Variants in COL6A3 observed in about 807,000 individuals in gnomAD.
COL6A3 encodes the protein collagen type VI alpha 3 chain.
A neutral mutation model predicts 274.1 loss-of-function variants in COL6A3; 137 were observed. That is an observed-to-expected ratio of 0.50 (90% CI 0.44 to 0.58). COL6A3 has a LOEUF of 0.58. COL6A3 is among the 20% of genes least tolerant of loss of function. The pLI is 0.00. For synonymous variants in COL6A3, 1,650 were observed against 1,650.6 expected, an observed-to-expected ratio of 1.00 and a Z score of 0.01; for missense variants, 3,950 against 4,124.9, an observed-to-expected ratio of 0.96 and a Z score of 1.16.
At chr2:237,376,698 G>C (rs1002883825) in intron 7 of COL6A3, 74 bp downstream of exon 7, 1 of 1,467,754 alleles carries the variant, frequency 6.8e-7, no homozygotes. Context: ...CTAAGGACCA[G>C]TGGCCAGCAG....
intron 1 of COL6A3, among the ~76,000 whole-genome samples, chr2:237,410,114 A>G (rs2078818186): frequency 6.6e-6 from 1 of 152,034 alleles, no homozygotes; most frequent in Non-Finnish European, 1.5e-5. Context: ...AACTGCCCGC[A>G]AGCTCTGCTG....
chr2:237,353,205 C>A, intron 25 of COL6A3, 136 bp downstream of exon 25: 1 of 826,024 alleles, frequency 1.2e-6, no homozygotes. Context: ...GATTGCACAG[C>A]ATTGTGGAAG....
chr2:237,356,008 G>C (rs1291347361), intron 23 of COL6A3, among the ~76,000 whole-genome samples: 1 of 152,172 alleles, frequency 6.6e-6, no homozygotes, highest in East Asian at 1.9e-4. Flanking sequence ...CCAGTGGGAG[G>C]GACACATTTC....
Position 237,345,256 on chromosome 2 carries a change from G to A in COL6A3, c.7093-43C>T, listed in dbSNP as rs762116613. ...GAAAGGTGAGAGGCACAGCAGATGGGGAATTCGAATAAACAGGCTTTGGCC... is the reference window on the plus strand; with the variant it reads ...GAAAGGTGAGAGGCACAGCAGATGGAGAATTCGAATAAACAGGCTTTGGCC... On this transcript the variant is annotated intron_variant, in intron 32 of 43. Transcript: ENST00000295550. 32 of 1,604,490 alleles carry A rather than the reference G, an allele frequency of 2.0e-5. No homozygotes were observed. The Middle Eastern group carries it at 4.9e-4, about 25-fold the overall frequency.
At position 237,387,581 on chromosome 2, in the gene COL6A3, C is replaced by T. The variant is rs1387537308; in HGVS notation, c.1312+1G>A. The T allele has an allele frequency of 1.2e-6, 2 of 1,613,984 alleles. No individual in the cohort carries two copies. Among genetic ancestry groups the T allele is most frequent in the African/African-American group, 1.3e-5 (1 of 75,038 alleles). ...ACAGATGGTGAGAAGAGGATACATA[C>T]CTTGTGTGACAATGGTTGGCGGTTT... On this transcript the variant is annotated splice_donor_variant, in intron 4 of 43. Coordinates refer to ENST00000295550, the MANE Select transcript of COL6A3 (RefSeq NM_004369.4). LOFTEE classifies it high-confidence loss of function.
At chr2:237,402,654 G>T (rs2078621045) in intron 1 of COL6A3, among the ~76,000 whole-genome samples, 1 of 152,164 alleles carries the variant, frequency 6.6e-6, no homozygotes, top group African/African-American at 2.4e-5. Context: ...TAAGAAAAGA[G>T]TATATGTCAT....
In COL6A3 at chr2:237,340,743, T is replaced by C; in HGVS notation, c.8173A>G (p.Asn2725Asp). 5 of 1,614,104 alleles carry C rather than the reference T, an allele frequency of 3.1e-6. No homozygotes were observed. Among genetic ancestry groups the C allele is most frequent in the Non-Finnish European group, 4.2e-6 (5 of 1,180,030 alleles). ...LGSAIEYTIE[N>D]VFESAPNPRD... Reference sequence around the variant, plus strand: ...GGGTTTGGGGCACTTTCAAAGACATTCTCTATGGTGTATTCAATGGCACTG... The same window carrying C: ...GGGTTTGGGGCACTTTCAAAGACATCCTCTATGGTGTATTCAATGGCACTG... The change falls in exon 38 of 44, where the codon AAT becomes GAT. Residue 2725 changes from asparagine to aspartate, a missense_variant. Transcript: ENST00000295550.
chr2:237,388,727 A>G (rs1238708625), intron 3 of COL6A3, among the ~76,000 whole-genome samples: 1 of 152,254 alleles, frequency 6.6e-6, no homozygotes, highest in African/African-American at 2.4e-5. Context: ...GGATGCCTTC[A>G]GAAACTATTG....
In COL6A3 at chr2:237,396,667, G is replaced by C. The variant is rs578192399; in HGVS notation, c.91+60C>G. On this transcript the variant is annotated intron_variant, in intron 2 of 43. Transcript: ENST00000295550. ...CTCTATGTCAGTGCCTGATGTCTAAGATCTAAAATCAAAGAATGATATTCC... is the reference window on the plus strand; with the variant it reads ...CTCTATGTCAGTGCCTGATGTCTAACATCTAAAATCAAAGAATGATATTCC... The C allele has an allele frequency of 9.1e-6, 14 of 1,538,812 alleles. No homozygotes were observed. The South Asian group carries it at 1.5e-4, about 16-fold the overall frequency.
intron 28 of COL6A3, among the ~76,000 whole-genome samples, chr2:237,349,941 C>T (rs943138100): frequency 6.6e-6 from 1 of 152,176 alleles, no homozygotes; most frequent in African/African-American, 2.4e-5. Flanking sequence ...TCTCTCCCCA[C>T]GGCCCGCCCC....
intron 1 of COL6A3, among the ~76,000 whole-genome samples, chr2:237,402,001 G>A (rs1336665390): frequency 6.6e-6 from 1 of 152,026 alleles, no homozygotes; most frequent in Non-Finnish European, 1.5e-5. Context: ...ATTATACTAA[G>A]TCTTATACAT....
At chr2:237,335,843 T>C (rs1231615940) in intron 40 of COL6A3, among the ~76,000 whole-genome samples, 2 of 152,312 alleles carry the variant, frequency 1.3e-5, no homozygotes, top group East Asian at 1.9e-4. Flanking sequence ...CGGAAACTTT[T>C]CCCTTTAGTT....
rs756602944 is a variant in COL6A3, at chr2:237,394,872, C to A, written c.424G>T (p.Val142Phe). Residue 142 changes from valine to phenylalanine, a missense_variant, in exon 3 of 44, where the codon GTC (valine) becomes TTC (phenylalanine). Physicochemically the swap from Val to Phe is conservative, Grantham distance 50. Around this residue, in one of 5 missense-constraint regions of COL6A3, gnomAD observed 1,934 missense variants for 1,984.3 expected, o/e 0.97. Coordinates refer to ENST00000295550, the MANE Select transcript of COL6A3 (RefSeq NM_004369.4). ...GTTAACACTACGATAACCTGAGGGA[C>A]TCCGTCACCGGCCCGGCTTCCAGCA... is the stretch of plus-strand genomic sequence containing the variant. ...KAAGSRAGDG[V>F]PQVIVVLTDG... is the part of the protein sequence containing the mutation. 33 of 1,612,008 alleles carry A rather than the reference C, an allele frequency of 2.0e-5. No individual in the cohort carries two copies. The highest frequency in any genetic ancestry group is 2.8e-5 in the Non-Finnish European group (33 of 1,178,312).
At chr2:237,402,117 T>C (rs1308675413) in intron 1 of COL6A3, among the ~76,000 whole-genome samples, 1 of 152,154 alleles carries the variant, frequency 6.6e-6, no homozygotes, top group African/African-American at 2.4e-5. Flanking sequence ...AATAAGCCAG[T>C]CACTAAAAGA....
intron 6 of COL6A3, among the ~76,000 whole-genome samples, chr2:237,378,217 C>A (rs886763631): frequency 1.5e-4 from 23 of 152,290 alleles, no homozygotes; most frequent in Non-Finnish European, 4.4e-5. Context: ...CTAGATACAG[C>A]AGATGTTGAA....
chr2:237,383,061 A>G (rs2078049754), intron 4 of COL6A3, among the ~76,000 whole-genome samples: 2 of 152,206 alleles, frequency 1.3e-5, no homozygotes, highest in Admixed American at 6.5e-5. Flanking sequence ...AGCCTCCCAC[A>G]GTGCTGGGAT....
Position 237,342,111 on chromosome 2 carries a change from G to A in COL6A3, c.7719C>T (p.Asp2573=). ...GGACATTCTCCAGGAAGTCTGTGAG[G>A]TCTCTCCCTGCAGGCAGGACAAGCG... ...GHALVLPAGR[D]LTDFLENVLT... The change falls in exon 37 of 44, where the codon GAC becomes GAT. Residue 2573 remains aspartate (D), a synonymous_variant. Transcript: ENST00000295550. 6.2e-7 allele frequency: 1 copy of A among 1,614,226 alleles called. No individual in the cohort carries two copies. The highest frequency in any genetic ancestry group is 8.5e-7 in the Non-Finnish European group (1 of 1,180,040).
At chr2:237,333,210 A>G in intron 42 of COL6A3, 1 of 582,774 alleles carries the variant, frequency 1.7e-6, no homozygotes, top group Admixed American at 2.8e-5. Flanking sequence ...AATTCTAGTG[A>G]TAGCCCCAAA....
intron 39 of COL6A3, 84 bp from the exon 40 acceptor site, chr2:237,336,616 T>C: frequency 6.8e-7 from 1 of 1,464,976 alleles, no homozygotes; most frequent in Non-Finnish European, 9.5e-7. Flanking sequence ...CTACATTAAA[T>C]TTGTTTTAGC....
Sources: gnomAD v4.1 joint callset for allele counts (sites outside exome capture counted in the v4.1 genomes callset) on GRCh38, gnomAD v4.1.1 for gene constraint, gnomAD v4.1.1 regional missense constraint, MANE v1.5 for transcripts, NCBI Gene and HGNC (gene_info 2026-07-23, HGNC 2026-07-21) for gene names.